Variants in HDAC8 observed in about 807,000 individuals in gnomAD.
HDAC8 encodes histone deacetylase 8.
In HDAC8, 1 loss-of-function variant was observed where a neutral mutation model predicts 32.2. The ratio of observed to expected loss-of-function variants is 0.03; its 90% CI spans 0.01 to 0.15. HDAC8 has a LOEUF of 0.15. Among genes scored for constraint, HDAC8 ranks in the 10% least tolerant of loss-of-function variants. HDAC8 has a pLI of 1.00. For synonymous variants in HDAC8, 108 were observed against 113.9 expected (o/e 0.95, Z 0.33); for missense variants, 117 against 300.0 (o/e 0.39, Z 4.51).
intron 9 of HDAC8, among the ~76,000 whole-genome samples, chrX:72,411,433 AG>A (rs1358797933): frequency 9.0e-6 from 1 of 111,316 alleles, no homozygotes; most frequent in Non-Finnish European, 1.9e-5. Flanking sequence ...ACACCCTCAG[AG>A]GGGGAAGTTC....
At chrX:72,494,773 G>A (rs782581306) in intron 5 of HDAC8, among the ~76,000 whole-genome samples, 6 of 111,768 alleles carry the variant, frequency 5.4e-5, no homozygotes, top group East Asian at 2.8e-4. Context: ...CCCATCATAC[G>A]CCCATTCTAT....
At chrX:72,387,914 T>C (rs1193881174) in intron 9 of HDAC8, among the ~76,000 whole-genome samples, 7 of 110,382 alleles carry the variant, frequency 6.3e-5, no homozygotes, top group African/African-American at 2.3e-4. Context: ...TCAGATATTA[T>C]AGGATCGCAG....
At chrX:72,567,633 G>T in intron 4 of HDAC8, 2 of 733,824 alleles carry the variant, frequency 2.7e-6, no homozygotes, top group South Asian at 2.3e-5. Flanking sequence ...GCCTAGGGAG[G>T]GTAATCAGTC....
At chrX:72,532,191 C>T (rs1440475113) in intron 4 of HDAC8, among the ~76,000 whole-genome samples, 1 of 107,911 alleles carries the variant, frequency 9.3e-6, no homozygotes, top group East Asian at 2.9e-4. Flanking sequence ...CTCAAGCTAT[C>T]TTCTCACCAC....
chrX:72,485,133 C>G (rs1466659989), intron 7 of HDAC8, among the ~76,000 whole-genome samples: 2 of 111,362 alleles, frequency 1.8e-5, no homozygotes, highest in African/African-American at 6.5e-5. Context: ...CCTCTATCAT[C>G]TCTATACTAG....
intron 9 of HDAC8, among the ~76,000 whole-genome samples, chrX:72,361,717 A>AC (rs1310213828): frequency 1.0e-5 from 1 of 95,667 alleles, no homozygotes; most frequent in African/African-American, 4.8e-5. Context: ...CAAGCTGAGT[A>AC]CCAAAAAAAA....
intron 9 of HDAC8, among the ~76,000 whole-genome samples, chrX:72,358,213 G>A (rs2044432702): frequency 9.0e-6 from 1 of 111,253 alleles, no homozygotes; most frequent in African/African-American, 3.3e-5. Flanking sequence ...CACCATGCCC[G>A]GCTCTTCAGG....
intron 9 of HDAC8, among the ~76,000 whole-genome samples, chrX:72,407,330 G>A (rs1285455353): frequency 1.8e-5 from 2 of 112,199 alleles, no homozygotes; most frequent in Non-Finnish European, 3.8e-5. Context: ...GCAGCGGGGA[G>A]GAGCCTGGTC....
chrX:72,562,763 A>G (rs985032635), intron 4 of HDAC8, among the ~76,000 whole-genome samples: 4 of 111,472 alleles, frequency 3.6e-5, no homozygotes, highest in Non-Finnish European at 5.7e-5. Flanking sequence ...TAATTCTGCC[A>G]CTATATTATT....
rs782388180 is a variant in HDAC8 at position 72,567,777 on chromosome X, C to T, written c.437+112G>A. 5 of 1,208,972 alleles carry T rather than the reference C, an allele frequency of 4.1e-6. No homozygotes were observed. The East Asian group carries it at 1.5e-4, about 36-fold the overall frequency. On this transcript the variant is annotated intron_variant, in intron 4 of 10. Transcript: ENST00000373573. ...TTTCTTCAGAATGCCTTGTAAAGTG[C>T]CACATACACACACGTCTCTCTGTAA...
chrX:72,562,890 T>C (rs1265396940), intron 4 of HDAC8, among the ~76,000 whole-genome samples: 2 of 106,290 alleles, frequency 1.9e-5, no homozygotes, highest in African/African-American at 6.8e-5. Context: ...TTCTTTTTTT[T>C]TTTTTTTCTG....
At chrX:72,410,724 C>T (rs1602722753) in intron 9 of HDAC8, among the ~76,000 whole-genome samples, 2 of 111,898 alleles carry the variant, frequency 1.8e-5, no homozygotes, top group Admixed American at 1.9e-4. Context: ...CCTATCTGGA[C>T]TACTGGATTA....
chrX:72,393,228 TG>T (rs2045659631), intron 9 of HDAC8, among the ~76,000 whole-genome samples: 1 of 111,501 alleles, frequency 9.0e-6, no homozygotes, highest in Non-Finnish European at 1.9e-5. Flanking sequence ...TCTGTTAGCT[TG>T]GGAGGCATGG....
chrX:72,517,816 A>C (rs2049854393), intron 4 of HDAC8, among the ~76,000 whole-genome samples: 1 of 111,769 alleles, frequency 8.9e-6, no homozygotes, highest in Admixed American at 9.5e-5. Flanking sequence ...TCTTGATTAC[A>C]GTGTGAGTCC....
intron 4 of HDAC8, among the ~76,000 whole-genome samples, chrX:72,546,585 G>A (rs1556055965): frequency 9.0e-6 from 1 of 111,075 alleles, no homozygotes; most frequent in African/African-American, 3.3e-5. Context: ...ACCGTGCTGG[G>A]TGAAATGAAT....
chrX:72,359,207 C>T (rs61370360), intron 9 of HDAC8, among the ~76,000 whole-genome samples: 6,650 of 108,857 alleles, frequency 0.061, 512 homozygotes, highest in African/African-American at 0.21. Context: ...ATAGGTATTT[C>T]GAGTTAGTTA....
intron 4 of HDAC8, among the ~76,000 whole-genome samples, chrX:72,514,232 C>A (rs1215411065): frequency 3.6e-5 from 4 of 112,088 alleles, no homozygotes; most frequent in Non-Finnish European, 7.5e-5. Flanking sequence ...CAAGATGAAT[C>A]TATGAAATAG....
At chrX:72,559,929 G>A (rs930551155) in intron 4 of HDAC8, among the ~76,000 whole-genome samples, 14 of 104,917 alleles carry the variant, frequency 1.3e-4, no homozygotes, top group Non-Finnish European at 2.5e-4. Context: ...CAGCCGCCCC[G>A]TCCAGGAGGG....
intron 9 of HDAC8, among the ~76,000 whole-genome samples, chrX:72,400,549 G>T (rs1216823640): frequency 9.0e-6 from 1 of 111,400 alleles, no homozygotes; most frequent in African/African-American, 3.3e-5. Flanking sequence ...AATACATACA[G>T]ATTCCTACCA....
Sources: allele counts gnomAD v4.1 joint callset (sites outside exome capture counted in the v4.1 genomes callset), GRCh38; gene constraint gnomAD v4.1.1; transcripts MANE v1.5; gene names NCBI Gene and HGNC (gene_info 2026-07-23, HGNC 2026-07-21).